MROH2B: variants seen among roughly 807,000 people sequenced by gnomAD.
MROH2B encodes the protein maestro heat like repeat family member 2B, also known as maestro heat-like repeat-containing protein family member 2B.
MROH2B carries 177 observed loss-of-function variants against 208.6 expected under a neutral mutation model. The observed-to-expected ratio is 0.85, with a 90% CI of 0.75 to 0.96. The LOEUF is 0.96. MROH2B is among the 40% of genes least tolerant of loss of function. The pLI is 0.00. For missense variants in MROH2B, 2,002 were observed against 1,878.7 expected (o/e 1.07, Z -1.21); for synonymous variants, 728 against 659.0 (o/e 1.10, Z -1.60).
At chr5:41,062,352 T>C (rs1332678793) in intron 5 of MROH2B, among the ~76,000 whole-genome samples, 1 of 152,032 alleles carries the variant, frequency 6.6e-6, no homozygotes, top group Non-Finnish European at 1.5e-5. Context: ...AGGATTGTGG[T>C]TACCCTTTGA....
chr5:41,022,481 A>C (rs562639206), intron 24 of MROH2B, among the ~76,000 whole-genome samples: 185 of 152,202 alleles, frequency 1.2e-3, no homozygotes, highest in African/African-American at 4.1e-3. Flanking sequence ...TCGAACTGCA[A>C]GGTGGCAGCG....
At chr5:41,048,736 C>G (rs543062059) in intron 15 of MROH2B, among the ~76,000 whole-genome samples, 2 of 152,134 alleles carry the variant, frequency 1.3e-5, no homozygotes, top group Non-Finnish European at 2.9e-5. Context: ...TTAGATATAT[C>G]AATTAATTAA....
intron 9 of MROH2B, 120 bp downstream of exon 9, chr5:41,056,989 C>G (rs1743475160): frequency 1.0e-6 from 1 of 1,003,448 alleles, no homozygotes; most frequent in Non-Finnish European, 1.5e-6. Context: ...GCTAAAGAAA[C>G]AGTGTGTGTG....
chr5:41,000,570 C>T (rs1208619381), intron 38 of MROH2B, 108 bp downstream of exon 38: 22 of 1,418,216 alleles, frequency 1.6e-5, no homozygotes, highest in African/African-American at 2.9e-5. Context: ...AGGTTCAGCG[C>T]TAAGGGGTGA....
chr5:41,036,408 C>T (rs572464807), intron 21 of MROH2B, among the ~76,000 whole-genome samples: 1 of 152,248 alleles, frequency 6.6e-6, no homozygotes, highest in South Asian at 2.1e-4. Context: ...GATTGTGAGG[C>T]ATCCCCAGCC....
At chr5:41,013,127 ATAC>A (rs1741827271) in intron 29 of MROH2B, among the ~76,000 whole-genome samples, 2 of 152,202 alleles carry the variant, frequency 1.3e-5, no homozygotes, top group Non-Finnish European at 2.9e-5. Context: ...CTGCCACATA[ATAC>A]CTAAACCTTG....
At chr5:41,016,888 C>T (rs547851331) in intron 28 of MROH2B, among the ~76,000 whole-genome samples, 2 of 151,914 alleles carry the variant, frequency 1.3e-5, no homozygotes, top group East Asian at 1.9e-4. Context: ...ACTTTTGTAC[C>T]TACTTTGACT....
rs865804088 is a variant in MROH2B, at chr5:41,042,173, T to C, written c.1872A>G (p.Ala624=). ...FLWKALGTTL[A]CCQDSDFVNS... ...TTACAAAGTCTGAATCTTGGCAGCA[T>C]GCTAAGGTGGTTCCCAAGGCTTTCC... is the stretch of plus-strand genomic sequence containing the variant. Residue 624 remains alanine (A), a synonymous_variant, in exon 19 of 42, where the codon GCA becomes GCG. Transcript: ENST00000399564. The C allele has an allele frequency of 4.4e-6, 7 of 1,591,024 alleles. No homozygotes were observed. The South Asian group carries it at 6.9e-5, about 16-fold the overall frequency.
At chr5:41,006,757 T>C (rs1226663494) in intron 34 of MROH2B, among the ~76,000 whole-genome samples, 2 of 152,188 alleles carry the variant, frequency 1.3e-5, no homozygotes, top group Non-Finnish European at 2.9e-5. Flanking sequence ...ACATTGTATG[T>C]TCTGTCTCAT....
intron 12 of MROH2B, chr5:41,051,575 G>C (rs150374167): frequency 6.6e-6 from 1 of 152,134 alleles, no homozygotes; most frequent in Non-Finnish European, 1.5e-5. Context: ...CCAAGGTGAC[G>C]GTATTAGTAG....
Position 41,042,151 on chromosome 5 carries a change from C to T in MROH2B, c.1894G>A (p.Val632Ile), listed in dbSNP as rs1273356949. 3 of 1,596,774 alleles carry T rather than the reference C, an allele frequency of 1.9e-6. No individual in the cohort carries two copies. Among genetic ancestry groups the T allele is most frequent in the Admixed American group, 1.7e-5 (1 of 58,012 alleles). The change falls in exon 19 of 42, where the codon GTA becomes ATA. Residue 632 changes from valine to isoleucine, a missense_variant. Coordinates refer to ENST00000399564, the MANE Select transcript of MROH2B (RefSeq NM_173489.5). ...TLACCQDSDF[V>I]NSQIKEFLTA... ...AGAAACTCCTTAATCTGTGAGTTTA[C>T]AAAGTCTGAATCTTGGCAGCATGCT...
At chr5:41,033,184 C>G (rs771459905) in intron 22 of MROH2B, 24 bp from the exon 23 acceptor site, 4 of 1,610,768 alleles carry the variant, frequency 2.5e-6, no homozygotes, top group Non-Finnish European at 3.4e-6. Context: ...ATTTACAATG[C>G]AAGTCAAGGT....
intron 39 of MROH2B, 25 bp downstream of exon 39, chr5:41,000,195 G>T: frequency 6.2e-7 from 1 of 1,607,384 alleles, no homozygotes; most frequent in Admixed American, 1.7e-5. Flanking sequence ...GCCTTTTTTG[G>T]AGGCGGCATC....
chr5:41,014,093 G>A (rs1271372981), intron 29 of MROH2B, among the ~76,000 whole-genome samples: 1 of 152,074 alleles, frequency 6.6e-6, no homozygotes, highest in African/African-American at 2.4e-5. Context: ...TATGAGCCCC[G>A]TCCTCAAGAT....
intron 27 of MROH2B, 60 bp downstream of exon 27, chr5:41,018,281 T>C: frequency 2.0e-6 from 3 of 1,502,876 alleles, no homozygotes; most frequent in Non-Finnish European, 1.8e-6. Flanking sequence ...ATTCCAGAGA[T>C]CTCAGAGATC....
intron 2 of MROH2B, among the ~76,000 whole-genome samples, chr5:41,069,042 G>A (rs1057412721): frequency 1.3e-5 from 2 of 152,098 alleles, no homozygotes; most frequent in African/African-American, 4.8e-5. Context: ...TTTGGAGTCA[G>A]ATGGGCTTGC....
intron 18 of MROH2B, 24 bp downstream of exon 18, chr5:41,045,722 T>C (rs903723916): frequency 3.8e-6 from 6 of 1,580,588 alleles, no homozygotes; most frequent in South Asian, 1.1e-5. Context: ...AAAGCTAAGG[T>C]TTCCCCTCAG....
rs1474340358 is a variant in MROH2B, at chr5:41,000,055, GAT to G, written c.4482+163_4482+164del. 5.5e-6 allele frequency: 5 copies of G among 904,166 alleles called. No individual in the cohort carries two copies. The African/African-American group carries it at 8.4e-5, about 15-fold the overall frequency. The allele number at this position is 904,166 out of a possible 1,614,324, so 56.0% of individuals were successfully genotyped here. ...AATGGAGCAGAGGGTCCTGTGGCAG[GAT>G]ACCTCTATGTCACTATATCCTGTGA... On this transcript the variant is annotated intron_variant, in intron 39 of 41. Transcript: ENST00000399564.
At chr5:41,006,770 G>A (rs188539814) in intron 34 of MROH2B, among the ~76,000 whole-genome samples, 2 of 152,182 alleles carry the variant, frequency 1.3e-5, no homozygotes, top group African/African-American at 2.4e-5. Flanking sequence ...TGTCTCATAT[G>A]TGGGAGCTAA....
Sources: allele counts gnomAD v4.1 joint callset (sites outside exome capture counted in the v4.1 genomes callset), GRCh38; gene constraint gnomAD v4.1.1; transcripts MANE v1.5; gene names NCBI Gene and HGNC (gene_info 2026-07-23, HGNC 2026-07-21).